ARMH3: variants seen among roughly 807,000 people sequenced by gnomAD.
ARMH3 encodes the protein armadillo like helical domain containing 3.
ARMH3 carries 60 observed loss-of-function variants against 99.1 expected under a neutral mutation model. The observed-to-expected ratio is 0.61, with a 90% confidence interval of 0.49 to 0.75. The LOEUF (loss-of-function observed/expected upper bound fraction) is 0.75, where lower values mean the gene tolerates loss of function less well. Ranked by LOEUF, ARMH3 falls within the 30% of genes least tolerant of loss-of-function variation. ARMH3 has a pLI of 0.00. For missense variants in ARMH3, 679 were observed against 843.1 expected (o/e 0.81, Z 2.41); for synonymous variants, 285 against 292.8 (o/e 0.97, Z 0.27).
chr10:101,864,232 A>C (rs1340904437), intron 24 of ARMH3, among the ~76,000 whole-genome samples: 1 of 150,742 alleles, frequency 6.6e-6, no homozygotes, highest in East Asian at 1.9e-4. Context: ...CGATCATTAA[A>C]AAGTCAGGAA....
intron 22 of ARMH3, among the ~76,000 whole-genome samples, chr10:101,948,434 A>G (rs1238334181): frequency 6.6e-6 from 1 of 152,246 alleles, no homozygotes; most frequent in Non-Finnish European, 1.5e-5. Flanking sequence ...GCAGATACTA[A>G]TAATTTAAAA....
chr10:101,968,592 G>A (rs914531281), intron 20 of ARMH3, among the ~76,000 whole-genome samples: 7 of 152,276 alleles, frequency 4.6e-5, no homozygotes, highest in Non-Finnish European at 1.0e-4. Context: ...TTCTGGATAG[G>A]AAGTGACTGC....
chr10:101,921,596 G>T (rs1485232339), intron 23 of ARMH3, among the ~76,000 whole-genome samples: 2 of 152,116 alleles, frequency 1.3e-5, no homozygotes, highest in African/African-American at 4.8e-5. Context: ...TCTACGAATG[G>T]ACAAATGGAT....
At chr10:102,030,985 A>G (rs1422918868) in intron 4 of ARMH3, among the ~76,000 whole-genome samples, 1 of 151,912 alleles carries the variant, frequency 6.6e-6, no homozygotes, top group Non-Finnish European at 1.5e-5. Context: ...ACAGGTTTTC[A>G]TCATGTTGGC....
intron 2 of ARMH3, among the ~76,000 whole-genome samples, chr10:102,034,694 A>G (rs1401566472): frequency 2.0e-5 from 3 of 151,884 alleles, no homozygotes; most frequent in Non-Finnish European, 4.4e-5. Context: ...ATGGCATAAA[A>G]TAAGTAGGTC....
At chr10:101,870,911 G>C (rs1354026096) in intron 24 of ARMH3, among the ~76,000 whole-genome samples, 2 of 151,998 alleles carry the variant, frequency 1.3e-5, no homozygotes, top group African/African-American at 2.4e-5. Flanking sequence ...CTGTACTCTA[G>C]CCTGGATGAC....
intron 20 of ARMH3, among the ~76,000 whole-genome samples, chr10:101,971,599 T>C (rs1369703906): frequency 1.3e-5 from 2 of 152,184 alleles, no homozygotes; most frequent in African/African-American, 2.4e-5. Context: ...GATACTAAGA[T>C]TTCTGTGAGA....
intron 1 of ARMH3, among the ~76,000 whole-genome samples, chr10:102,052,540 G>A (rs887515263): frequency 2.6e-5 from 4 of 151,954 alleles, no homozygotes; most frequent in South Asian, 2.1e-4. Flanking sequence ...TCTTCATAAA[G>A]GAAGCCCAAA....
At chr10:102,023,330 A>G in intron 8 of ARMH3, 147 bp downstream of exon 8, 1 of 722,042 alleles carries the variant, frequency 1.4e-6, no homozygotes, top group Non-Finnish European at 2.2e-6. Context: ...TGCATTTAAT[A>G]TAGGATTTTT....
chr10:101,987,381 G>A (rs10883701), intron 19 of ARMH3, among the ~76,000 whole-genome samples: 33,244 of 152,024 alleles, frequency 0.22, 4,170 homozygotes, highest in Non-Finnish European at 0.29. Context: ...GCAACCTTCC[G>A]ATATCTTCTC....
Position 101,847,558 on chromosome 10 carries a change from G to A in ARMH3, c.2040C>T (p.Val680=). The change falls in exon 26 of 26, where the codon GTC becomes GTT. Residue 680 remains valine, a synonymous_variant. Transcript: ENST00000370033. ...NLAFHTLSQE[V]LLKEFSTIS ...AGATAGTGGAGAACTCCTTGAGCAG[G>A]ACTTCTTGGCTGAGTGTGTGGAAGG... The A allele has an allele frequency of 1.2e-6, 2 of 1,614,176 alleles. No homozygotes were observed. Among genetic ancestry groups the A allele is most frequent in the Non-Finnish European group, 1.7e-6 (2 of 1,180,010 alleles).
At chr10:101,909,496 G>T (rs1191733281) in intron 23 of ARMH3, among the ~76,000 whole-genome samples, 2 of 139,050 alleles carry the variant, frequency 1.4e-5, no homozygotes, top group Admixed American at 7.4e-5. Context: ...TTGAGACAGG[G>T]TCTCACTCTG....
At chr10:101,960,325 G>A (rs1009236220) in intron 20 of ARMH3, among the ~76,000 whole-genome samples, 3 of 152,094 alleles carry the variant, frequency 2.0e-5, no homozygotes, top group African/African-American at 7.2e-5. Context: ...CCTTGACTTT[G>A]CACTCACTAT....
chr10:102,038,488 T>C (rs958747913), intron 2 of ARMH3, among the ~76,000 whole-genome samples: 3 of 152,180 alleles, frequency 2.0e-5, no homozygotes, highest in African/African-American at 7.2e-5. Context: ...CTGCACTCTG[T>C]TTCCAAGGCT....
chr10:102,003,843 C>G (rs2066424213), intron 14 of ARMH3, among the ~76,000 whole-genome samples: 1 of 152,138 alleles, frequency 6.6e-6, no homozygotes, highest in African/African-American at 2.4e-5. Flanking sequence ...CCCAGTTAGG[C>G]CTCCAAGAGC....
rs755924981 is a variant in ARMH3 at position 102,029,679 on chromosome 10, T to C, written c.373A>G (p.Asn125Asp). 1.2e-6 allele frequency: 2 copies of C among 1,614,076 alleles called. No homozygotes were observed. The highest frequency in any genetic ancestry group is 2.7e-5 in the African/African-American group (2 of 74,922). The change falls in exon 5 of 26, where the codon AAC becomes GAC. Residue 125 changes from asparagine (N) to aspartate (D), a missense_variant. Transcript: ENST00000370033. The part of the protein sequence containing the change: ...NKSTSGFDII[N>D]MLMGFDKAEL... ...GCCTTGTCAAAGCCCATCAGCATGT[T>C]GATAATGTCAAACCCAGAGGTAGAC...
At chr10:102,018,066 A>G (rs1298705929) in intron 8 of ARMH3, among the ~76,000 whole-genome samples, 1 of 152,150 alleles carries the variant, frequency 6.6e-6, no homozygotes, top group Non-Finnish European at 1.5e-5. Context: ...TTAAGTGAAG[A>G]AAGTCAGGTT....
At chr10:102,015,052 C>T (rs1412823706) in intron 8 of ARMH3, among the ~76,000 whole-genome samples, 2 of 152,138 alleles carry the variant, frequency 1.3e-5, no homozygotes, top group African/African-American at 2.4e-5. Context: ...CAACTGGGAA[C>T]AGAGAAAGAG....
chr10:101,898,357 TAAGAAATAAAAAAA>T (rs539144093), intron 23 of ARMH3, among the ~76,000 whole-genome samples: 90 of 150,174 alleles, frequency 6.0e-4, no homozygotes, highest in African/African-American at 2.0e-3. Context: ...GACCCAGTCT[TAAGAAATAAAAAAA>T]AAAGAAGAAG....
Sources: gnomAD v4.1 joint callset for allele counts (sites outside exome capture counted in the v4.1 genomes callset) on GRCh38, gnomAD v4.1.1 for gene constraint, MANE v1.5 for transcripts, NCBI Gene and HGNC (gene_info 2026-07-23, HGNC 2026-07-21) for gene names.